Variants in DHX32 observed in about 807,000 individuals in gnomAD.
The protein encoded by DHX32 is putative pre-mRNA-splicing factor ATP-dependent RNA helicase DHX32.
A neutral mutation model predicts 70.0 loss-of-function variants in DHX32; 51 were observed. That is an observed-to-expected ratio of 0.73 (90% CI 0.58 to 0.92). The LOEUF (loss-of-function observed/expected upper bound fraction) is 0.92. DHX32 is among the 40% of genes least tolerant of loss of function. The pLI, the probability that DHX32 is intolerant of heterozygous loss-of-function variation, is 0.00. For missense variants in DHX32, 762 were observed against 891.8 expected (o/e 0.85, Z 1.85); for synonymous variants, 310 against 315.3 (o/e 0.98, Z 0.18).
chr10:125,845,549 G>A (rs1165595023), intron 6 of DHX32, among the ~76,000 whole-genome samples: 1 of 152,184 alleles, frequency 6.6e-6, no homozygotes, highest in Non-Finnish European at 1.5e-5. Flanking sequence ...GGGTCTCCTG[G>A]TAACCAGTCC....
intron 1 of DHX32, among the ~76,000 whole-genome samples, chr10:125,895,469 T>TC (rs1398274302): frequency 2.0e-5 from 3 of 152,184 alleles, no homozygotes; most frequent in Non-Finnish European, 4.4e-5. Context: ...TTCTCTCGTC[T>TC]CCATTTTTCT....
At chr10:125,846,655 C>T (rs1944024947) in intron 6 of DHX32, among the ~76,000 whole-genome samples, 1 of 152,180 alleles carries the variant, frequency 6.6e-6, no homozygotes, top group Non-Finnish European at 1.5e-5. Context: ...TCCAAATTGT[C>T]CCCTTTTATA....
In DHX32 at chr10:125,871,036, G is replaced by A. The variant is rs1165477413; in HGVS notation, c.283-3853C>T. 5.9e-5 allele frequency among the ~76,000 whole-genome samples: 9 copies of A among 152,148 alleles called. No homozygotes were observed. The East Asian group carries it at 9.7e-4, about 16-fold the overall frequency. Reference sequence around the variant, plus strand: ...TATAAGGTCCAGGACAGCTGCTTTCGAACTCTAAAATTCGACAAGATTCCA... The same window carrying A: ...TATAAGGTCCAGGACAGCTGCTTTCAAACTCTAAAATTCGACAAGATTCCA... On this transcript the variant is annotated intron_variant, in intron 1 of 10. Transcript: ENST00000284690.
chr10:125,841,218 A>C (rs372830154), intron 7 of DHX32: 1 of 1,595,124 alleles, frequency 6.3e-7, no homozygotes, highest in African/African-American at 1.3e-5. Flanking sequence ...TCTAAGGTCA[A>C]CTGAATATGG....
intron 7 of DHX32, 75 bp from the exon 8 acceptor site, chr10:125,841,071 G>A: frequency 1.3e-5 from 19 of 1,505,266 alleles, no homozygotes; most frequent in Non-Finnish European, 1.7e-5. Context: ...AGAGGGGAGG[G>A]GTCACGACTG....
At chr10:125,862,465 G>C (rs763664496) in intron 2 of DHX32, among the ~76,000 whole-genome samples, 1 of 151,126 alleles carries the variant, frequency 6.6e-6, no homozygotes. Context: ...GCTAATTAGA[G>C]ATTTAATTTC....
intron 6 of DHX32, 129 bp downstream of exon 6, chr10:125,852,164 T>A: frequency 8.5e-7 from 1 of 1,176,602 alleles, no homozygotes; most frequent in Non-Finnish European, 1.2e-6. Context: ...GGAAAATGCT[T>A]CAGTCCAAAC....
chr10:125,862,075 G>A, intron 2 of DHX32, among the ~76,000 whole-genome samples: 1 of 152,168 alleles, frequency 6.6e-6, no homozygotes, highest in Middle Eastern at 3.2e-3. Context: ...ATTTATAAAT[G>A]AGAAAACTGA....
intron 1 of DHX32, among the ~76,000 whole-genome samples, chr10:125,877,953 T>C (rs1204522058): frequency 1.3e-5 from 2 of 152,226 alleles, no homozygotes; most frequent in East Asian, 3.8e-4. Flanking sequence ...GACTTCTTAT[T>C]ATTCACACTA....
At chr10:125,858,719 T>C (rs1944163540) in intron 3 of DHX32, among the ~76,000 whole-genome samples, 1 of 152,116 alleles carries the variant, frequency 6.6e-6, no homozygotes, top group Admixed American at 6.5e-5. Context: ...AACCACTACA[T>C]ATATGGGTCA....
chr10:125,883,121 G>C (rs1353023493), upstream of DHX32, among the ~76,000 whole-genome samples: 1 of 152,076 alleles, frequency 6.6e-6, no homozygotes, highest in Non-Finnish European at 1.5e-5. Flanking sequence ...ATAAAGCACT[G>C]ACCACTTTGA....
At chr10:125,884,611 A>G (rs1944333190), upstream of DHX32, among the ~76,000 whole-genome samples, 1 of 152,212 alleles carries the variant, frequency 6.6e-6, no homozygotes, top group Non-Finnish European at 1.5e-5. Flanking sequence ...TAGAATTAGA[A>G]GTCAATGTAA....
At chr10:125,877,990 C>T (rs753577549) in intron 1 of DHX32, among the ~76,000 whole-genome samples, 45 of 152,176 alleles carry the variant, frequency 3.0e-4, no homozygotes, top group Middle Eastern at 3.4e-3. Context: ...TCTTACATCG[C>T]GAGAATCTAG....
At chr10:125,849,234 C>A (rs1264562523) in intron 6 of DHX32, among the ~76,000 whole-genome samples, 1 of 152,226 alleles carries the variant, frequency 6.6e-6, no homozygotes, top group Non-Finnish European at 1.5e-5. Context: ...TGCTGAGCCA[C>A]AGCCATCTTT....
In DHX32 at chr10:125,888,513, T is replaced by C. The variant is rs536463715; in HGVS notation, c.-247-7442A>G. On this transcript the variant is annotated intron_variant, in intron 1 of 2. Coordinates refer to the DHX32 transcript ENST00000415732. ...TTATTTAATGTCTCTTCATATTCTATGGAACAATCAATCATTTATAATTCA... is the reference window on the plus strand; with the variant it reads ...TTATTTAATGTCTCTTCATATTCTACGGAACAATCAATCATTTATAATTCA... Among the ~76,000 whole-genome samples the C allele has an allele frequency of 1.7e-4, 26 of 152,374 alleles. No individual in the cohort carries two copies. The South Asian group carries it at 1.9e-3, about 11-fold the overall frequency.
Position 125,841,782 on chromosome 10 carries a change from A to C in DHX32, c.1504T>G (p.Cys502Gly), listed in dbSNP as rs1800428829. The change falls in exon 7 of 11, where the codon TGT (cysteine) becomes GGT (glycine). Residue 502 changes from cysteine to glycine, a missense_variant. By Grantham distance (159) the Cys-to-Gly change is radical. Coordinates refer to ENST00000284690, the MANE Select transcript of DHX32 (RefSeq NM_018180.3). ...KSILASCEFDCVDEVLTIAAM... is the reference protein window; with the variant it reads ...KSILASCEFDGVDEVLTIAAM... ...GCGATTGTTAGCACTTCATCTACAC[A>C]GTCAAATTCACAGGACGCTAAGATA... 6.2e-7 allele frequency: 1 copy of C among 1,612,966 alleles called. No individual in the cohort carries two copies. Among genetic ancestry groups the C allele is most frequent in the Admixed American group, 1.7e-5 (1 of 59,724 alleles).
rs1854953290 is a variant in DHX32 at position 125,844,199 on chromosome 10, G to A, written c.1352-2265C>T. ...CATGAAAAGTAACAGCCGATCTGCT[G>A]GAGAAGGTACAAGAAGCAGCATCAG... On this transcript the variant is annotated intron_variant, in intron 6 of 10. Transcript: ENST00000284690. 2.0e-5 allele frequency among the ~76,000 whole-genome samples: 3 copies of A among 152,238 alleles called. 1 individual carries two copies. Among genetic ancestry groups the A allele is most frequent in the Admixed American group, 2.0e-4 (3 of 15,282 alleles).
intron 1 of DHX32, among the ~76,000 whole-genome samples, chr10:125,878,716 T>A (rs1944298964): frequency 6.9e-6 from 1 of 145,228 alleles, no homozygotes; most frequent in African/African-American, 2.6e-5. Context: ...TTTTGTTTTC[T>A]TTTTTTTTTT....
At position 125,876,424 on chromosome 10, in the gene DHX32, C is replaced by T. The variant is rs368496507; in HGVS notation, c.282+4119G>A. Among the ~76,000 whole-genome samples the T allele has an allele frequency of 7.9e-5, 12 of 152,300 alleles. No homozygotes were observed. In the South Asian group the frequency reaches 2.3e-3, roughly 29 times the overall value. ...ACAAATGTATAATGAGAAACATTTA[C>T]ATACTTTCAAAATATGTATCTATTA... On this transcript the variant is annotated intron_variant, in intron 1 of 10. Coordinates refer to ENST00000284690, the MANE Select transcript of DHX32 (RefSeq NM_018180.3).
Sources: gnomAD v4.1 joint callset for allele counts (sites outside exome capture counted in the v4.1 genomes callset) on GRCh38, gnomAD v4.1.1 for gene constraint, MANE v1.5 for transcripts, NCBI Gene and HGNC (gene_info 2026-07-23, HGNC 2026-07-21) for gene names.